TMEM237: variants seen among roughly 807,000 people sequenced by gnomAD.
TMEM237 encodes transmembrane protein 237.
TMEM237 carries 51 observed loss-of-function variants against 59.1 expected under a neutral mutation model. The observed-to-expected ratio is 0.86, with a 90% CI of 0.69 to 1.09. TMEM237 has a LOEUF of 1.09. TMEM237 is among the 50% of genes least tolerant of loss of function. The pLI, the probability that TMEM237 is intolerant of heterozygous loss-of-function variation, is 0.00. For missense variants in TMEM237, 475 were observed against 478.3 expected, an observed-to-expected ratio of 0.99 and a Z score of 0.06; for synonymous variants, 140 against 166.1, an observed-to-expected ratio of 0.84 and a Z score of 1.21.
intron 12 of TMEM237, among the ~76,000 whole-genome samples, chr2:201,625,683 T>C (rs953888618): frequency 5.3e-5 from 8 of 152,190 alleles, no homozygotes; most frequent in Non-Finnish European, 2.9e-5. Context: ...AGACAAAGCA[T>C]GATTTATTTC....
intron 6 of TMEM237, 91 bp downstream of exon 6, chr2:201,633,220 T>C (rs1335343214): frequency 7.5e-6 from 10 of 1,336,926 alleles, no homozygotes; most frequent in Admixed American, 2.8e-5. Context: ...AAGTATGTAA[T>C]AAGACTTAAT....
intron 5 of TMEM237, chr2:201,634,738 A>G: frequency 4.6e-6 from 1 of 216,384 alleles, no homozygotes; most frequent in Non-Finnish European, 1.0e-5. Flanking sequence ...TTCTGCCATC[A>G]TCCGCCCCTT....
intron 5 of TMEM237, among the ~76,000 whole-genome samples, chr2:201,634,621 A>T (rs1457015731): frequency 6.6e-6 from 1 of 152,160 alleles, no homozygotes; most frequent in Non-Finnish European, 1.5e-5. Flanking sequence ...ATCTTAACTA[A>T]ATTACTAAAA....
chr2:201,641,054 C>T (rs978948092), intron 1 of TMEM237, 130 bp from the exon 2 acceptor site: 52 of 681,492 alleles, frequency 7.6e-5, no homozygotes, highest in African/African-American at 9.3e-5. Flanking sequence ...TGCAACGGCA[C>T]GATCTTGGCT....
At chr2:201,640,621 T>C (rs532926431) in intron 2 of TMEM237, among the ~76,000 whole-genome samples, 1 of 151,920 alleles carries the variant, frequency 6.6e-6, no homozygotes, top group East Asian at 1.9e-4. Flanking sequence ...GAATTCTGAT[T>C]TAAAAAAAAA....
intron 9 of TMEM237, among the ~76,000 whole-genome samples, chr2:201,628,941 T>A (rs891718258): frequency 6.6e-6 from 1 of 152,218 alleles, no homozygotes; most frequent in Non-Finnish European, 1.5e-5. Context: ...TGCTCTGAGT[T>A]TCACCTATAC....
chr2:201,625,349 G>A lies in TMEM237; in HGVS notation c.1159+677C>T, dbSNP rs371187876. ...TGTACTCTGACCTGGGCGACACAGC[G>A]AGACTCCATCTCCAAAAATAAAAAA... On this transcript the variant is annotated intron_variant, in intron 12 of 12. Coordinates refer to ENST00000409883, the MANE Select transcript of TMEM237 (RefSeq NM_001044385.3). Among the ~76,000 whole-genome samples, 267 of 151,682 alleles carry A rather than the reference G, an allele frequency of 1.8e-3. 1 individual carries two copies. Among genetic ancestry groups the A allele is most frequent in the African/African-American group, 6.0e-3 (248 of 41,322 alleles).
intron 9 of TMEM237, 99 bp from the exon 10 acceptor site, chr2:201,628,248 C>T (rs1957777328): frequency 2.7e-6 from 2 of 735,884 alleles, no homozygotes; most frequent in Admixed American, 4.9e-5. Flanking sequence ...CTAATGCTAG[C>T]ACATATACTA....
At chr2:201,641,633 T>G (rs962446195) in intron 1 of TMEM237, among the ~76,000 whole-genome samples, 19 of 145,188 alleles carry the variant, frequency 1.3e-4, no homozygotes, top group Middle Eastern at 7.2e-3. Flanking sequence ...ATACTATATA[T>G]TATATGCAGC....
At chr2:201,633,230 T>G in intron 6 of TMEM237, 81 bp downstream of exon 6, 1 of 1,434,110 alleles carries the variant, frequency 7.0e-7, no homozygotes, top group Non-Finnish European at 9.3e-7. Context: ...TAAGACTTAA[T>G]GAGAAGCTAC....
Position 201,642,581 on chromosome 2 carries a change from CAATT to C in TMEM237, c.42+774_42+777del, listed in dbSNP as rs534898583. ...GCTCAACTGAAGACAAAAATCCTAA[CAATT>C]AAAAGTAGCTAAGGCTCGCTTACCA... On this transcript the variant is annotated intron_variant, in intron 1 of 12. Transcript: ENST00000409883. The C allele has an allele frequency of 1.1e-4, 179 of 1,602,620 alleles. 1 individual carries two copies. The African/African-American group carries it at 2.3e-3, about 21-fold the overall frequency.
At chr2:201,641,284 G>C (rs973920901) in intron 1 of TMEM237, among the ~76,000 whole-genome samples, 1 of 152,114 alleles carries the variant, frequency 6.6e-6, no homozygotes, top group East Asian at 1.9e-4. Context: ...GAGCCACTAC[G>C]CCCGGCCAAA....
chr2:201,631,847 T>G (rs1341485813), intron 7 of TMEM237, among the ~76,000 whole-genome samples: 1 of 152,236 alleles, frequency 6.6e-6, no homozygotes, highest in African/African-American at 2.4e-5. Context: ...ACACCACAAC[T>G]TACTGACATT....
rs1391104563 is a variant in TMEM237 at position 201,622,979 on chromosome 2, G to A, written c.*1276C>T. On this transcript the variant is annotated 3_prime_UTR_variant, in exon 13 of 13. Coordinates refer to ENST00000409883, the MANE Select transcript of TMEM237 (RefSeq NM_001044385.3). ...TATTGCCAGATTGAGAACCATTGCT[G>A]GTCACAGTGAAAGCTGGAACTAGCA... The A allele has an allele frequency of 5.7e-6, 1 of 174,012 alleles. No individual in the cohort carries two copies. The highest frequency in any genetic ancestry group is 1.3e-5 in the Non-Finnish European group (1 of 79,554). 10.8% of individuals were successfully genotyped at this position (174,012 alleles called of 1,614,324 possible).
rs199624987 is a variant in TMEM237, at chr2:201,636,846, C to T, written c.176G>A (p.Arg59Gln). 3.2e-4 allele frequency: 510 copies of T among 1,607,202 alleles called. 2 individuals are homozygous for T. The highest frequency in any genetic ancestry group is 3.3e-4 in the Middle Eastern group (2 of 6,002). The stretch of plus-strand genomic sequence containing the variant: ...TGGCTCATTGCCCTCAGAGGGCCTT[C>T]GACCAGCAGTCTGAGCAAGGCCTTC... ...SLEGLAQTAG[R>Q]RPSEGNEPST... Residue 59 changes from arginine (R) to glutamine (Q), a missense_variant, in exon 5 of 13, where the codon CGA becomes CAA. Coordinates refer to ENST00000409883, the MANE Select transcript of TMEM237 (RefSeq NM_001044385.3).
rs1957735516 is a variant in TMEM237 at position 201,624,110 on chromosome 2, AT to A, written c.*144del. The A allele has an allele frequency of 2.0e-6, 1 of 500,692 alleles. No individual in the cohort carries two copies. The highest frequency in any genetic ancestry group is 4.6e-5 in the South Asian group (1 of 21,642). The allele number at this position is 500,692 out of a possible 1,614,324, so 31.0% of individuals were successfully genotyped here. A position where few individuals can be genotyped will look rare whatever the true frequency, so the allele number is the denominator to read the frequency against. On this transcript the variant is annotated 3_prime_UTR_variant, in exon 13 of 13. Coordinates refer to ENST00000409883, the MANE Select transcript of TMEM237 (RefSeq NM_001044385.3). ...CATAAACAGCAAACACAATTTTAAC[AT>A]TTTTCATAATATTGAGAGATGTTTC...
Position 201,628,192 on chromosome 2 carries a change from T to G in TMEM237, c.870-43A>C, listed in dbSNP as rs778121352. ...TTCTTGTCACAGCGCAGTTGTAAAC[T>G]TAACAAAACTTTACTTTCTTGACTA... On this transcript the variant is annotated intron_variant, in intron 9 of 12. Transcript: ENST00000409883. The G allele has an allele frequency of 4.4e-6, 6 of 1,365,682 alleles. No homozygotes were observed. The African/African-American group carries it at 8.7e-5, about 20-fold the overall frequency. The allele number at this position is 1,365,682 out of a possible 1,614,324, so 84.6% of individuals were successfully genotyped here.
At chr2:201,642,813 A>T in intron 1 of TMEM237, 1 of 1,360,744 alleles carries the variant, frequency 7.3e-7, no homozygotes. Context: ...GCCAGTCCAG[A>T]CTAGCCCTGC....
rs180737248 is a variant in TMEM237, at chr2:201,628,408, T to C, written c.870-259A>G. On this transcript the variant is annotated intron_variant, in intron 9 of 12. Transcript: ENST00000409883. ...CCTAAAGAAAATTAAACTTGATCTA[T>C]AAAATTTCATTAGTTTCTACCTCTT... 2.2e-3 allele frequency among the ~76,000 whole-genome samples: 332 copies of C among 152,326 alleles called. 2 individuals carry two copies. Among genetic ancestry groups the C allele is most frequent in the African/African-American group, 7.3e-3 (303 of 41,584 alleles).
Sources: allele counts gnomAD v4.1 joint callset (sites outside exome capture counted in the v4.1 genomes callset), GRCh38; gene constraint gnomAD v4.1.1; transcripts MANE v1.5; gene names NCBI Gene and HGNC (gene_info 2026-07-23, HGNC 2026-07-21).